Variants in SMOC1 observed in about 807,000 individuals in gnomAD.
SMOC1 encodes SPARC-related modular calcium-binding protein 1.
SMOC1 carries 22 observed loss-of-function variants against 56.3 expected under a neutral mutation model. The ratio of observed to expected loss-of-function variants is 0.39; its 90% CI spans 0.28 to 0.56. SMOC1 has a LOEUF of 0.56. Among genes scored for constraint, SMOC1 ranks in the 20% least tolerant of loss-of-function variants. SMOC1 has a pLI of 0.61. For synonymous variants in SMOC1, 193 were observed against 215.0 expected (o/e 0.90, Z 0.89); for missense variants, 509 against 565.4 (o/e 0.90, Z 1.01).
chr14:70,025,032 T>C (rs1184921422), intron 11 of SMOC1, among the ~76,000 whole-genome samples: 1 of 151,708 alleles, frequency 6.6e-6, no homozygotes, highest in Non-Finnish European at 1.5e-5. Context: ...CAAAGGTAGG[T>C]TTGTTCAGCT....
intron 7 of SMOC1, among the ~76,000 whole-genome samples, chr14:69,998,009 A>G (rs992689035): frequency 6.6e-6 from 1 of 152,116 alleles, no homozygotes; most frequent in Non-Finnish European, 1.5e-5. Context: ...CTGTGACGCC[A>G]GGTTTGTTTT....
At chr14:69,952,527 G>A (rs1566686267) in intron 2 of SMOC1, among the ~76,000 whole-genome samples, 1 of 152,222 alleles carries the variant, frequency 6.6e-6, no homozygotes, top group Non-Finnish European at 1.5e-5. Flanking sequence ...GGCTTAAAGA[G>A]ATGTGCTGCT....
chr14:70,022,223 A>G (rs960226462), intron 10 of SMOC1, among the ~76,000 whole-genome samples: 8 of 152,246 alleles, frequency 5.3e-5, no homozygotes, highest in Non-Finnish European at 1.2e-4. Context: ...AAAAATTGTA[A>G]ATAGTAGTTA....
At chr14:69,900,584 T>C (rs1884218420) in intron 1 of SMOC1, among the ~76,000 whole-genome samples, 1 of 152,188 alleles carries the variant, frequency 6.6e-6, no homozygotes, top group African/African-American at 2.4e-5. Context: ...TCATCCCATT[T>C]TACAGAGGAG....
At chr14:69,882,825 C>T (rs1883681206) in intron 1 of SMOC1, among the ~76,000 whole-genome samples, 1 of 152,194 alleles carries the variant, frequency 6.6e-6, no homozygotes, top group Non-Finnish European at 1.5e-5. Flanking sequence ...AGGGGCCAGA[C>T]ACCTGTCAAG....
intron 5 of SMOC1, among the ~76,000 whole-genome samples, chr14:69,978,935 A>G (rs1048296849): frequency 2.0e-5 from 3 of 151,842 alleles, no homozygotes; most frequent in Middle Eastern, 3.2e-3. Context: ...ATTCACTGCC[A>G]CTGACCTCCA....
At position 70,023,195 on chromosome 14, in the gene SMOC1, T is replaced by A; in HGVS notation, c.1047-8T>A. ...TCTCTGCGGTGGGGGTGTTTGTCCA[T>A]GGCCCAGGTTCTCAGAGCCAGACCC... is the stretch of plus-strand genomic sequence containing the variant. On this transcript the variant is annotated splice_region_variant and splice_polypyrimidine_tract_variant and intron_variant, in intron 10 of 11. Transcript: ENST00000361956. 6.2e-7 allele frequency: 1 copy of A among 1,614,058 alleles called. No individual in the cohort carries two copies. Among genetic ancestry groups the A allele is most frequent in the Admixed American group, 1.7e-5 (1 of 60,018 alleles).
At chr14:70,000,090 G>A (rs1483597246) in intron 7 of SMOC1, among the ~76,000 whole-genome samples, 2 of 152,266 alleles carry the variant, frequency 1.3e-5, no homozygotes, top group African/African-American at 2.4e-5. Context: ...CAATTTTCTG[G>A]AAGTCAACTA....
intron 7 of SMOC1, among the ~76,000 whole-genome samples, chr14:70,000,087 C>T (rs1257804761): frequency 6.6e-6 from 1 of 152,164 alleles, no homozygotes; most frequent in Non-Finnish European, 1.5e-5. Flanking sequence ...TTCCAATTTT[C>T]TGGAAGTCAA....
intron 3 of SMOC1, among the ~76,000 whole-genome samples, chr14:69,970,880 T>C (rs962373822): frequency 6.6e-6 from 1 of 152,182 alleles, no homozygotes; most frequent in African/African-American, 2.4e-5. Flanking sequence ...TGTCTTTATC[T>C]GGATGGGGGT....
chr14:69,918,024 A>G (rs1884732257), intron 1 of SMOC1, among the ~76,000 whole-genome samples: 1 of 152,214 alleles, frequency 6.6e-6, no homozygotes, highest in African/African-American at 2.4e-5. Context: ...ATTAACAAAA[A>G]TGTATATATG....
intron 6 of SMOC1, among the ~76,000 whole-genome samples, chr14:69,993,920 A>G (rs139309665): frequency 1.4e-4 from 22 of 152,308 alleles, no homozygotes; most frequent in African/African-American, 5.1e-4. Context: ...TCTGCGCATG[A>G]GAAGCCATTA....
In SMOC1 at chr14:70,019,767, C is replaced by T. The variant is rs548379356; in HGVS notation, c.1047-3436C>T. On this transcript the variant is annotated intron_variant, in intron 10 of 11. Transcript: ENST00000361956. ...CTCCCTGCTCCATGCCTATCCAGCA[C>T]TCCCCCAGGAAAAATCTCAGATTTT... Among the ~76,000 whole-genome samples the T allele has an allele frequency of 2.6e-5, 4 of 152,298 alleles. No homozygotes were observed. The South Asian group carries it at 8.3e-4, about 32-fold the overall frequency.
intron 7 of SMOC1, among the ~76,000 whole-genome samples, chr14:70,005,706 G>A (rs544370468): frequency 1.2e-4 from 18 of 152,246 alleles, no homozygotes; most frequent in Admixed American, 5.2e-4. Flanking sequence ...TGCCAAGTGC[G>A]GAATGACCTG....
chr14:70,025,047 G>T (rs566575976), intron 11 of SMOC1, among the ~76,000 whole-genome samples: 3 of 152,270 alleles, frequency 2.0e-5, no homozygotes, highest in East Asian at 1.9e-4. Flanking sequence ...TCAGCTGGAG[G>T]CATGGCTGCT....
At chr14:69,908,605 G>C (rs1884474446) in intron 1 of SMOC1, among the ~76,000 whole-genome samples, 1 of 152,200 alleles carries the variant, frequency 6.6e-6, no homozygotes, top group Non-Finnish European at 1.5e-5. Flanking sequence ...GCCAGGTCTG[G>C]GAGGGCCTGG....
chr14:69,952,269 G>T lies in SMOC1; in HGVS notation c.231G>T (p.Pro77=). The change falls in exon 2 of 12, where the codon CCG becomes CCT. Residue 77 remains proline, a synonymous_variant. Coordinates refer to ENST00000361956, the MANE Select transcript of SMOC1 (RefSeq NM_001034852.3). ...ACCAGCGAGCCAAGTGCCGAGACCC[G>T]ACCCTGGGCGTGGTGCATCGAGGTA... ...CEYQRAKCRD[P]TLGVVHRGRC... 2 of 1,614,150 alleles carry T rather than the reference G, an allele frequency of 1.2e-6. No homozygotes were observed. The highest frequency in any genetic ancestry group is 1.3e-5 in the African/African-American group (1 of 75,030).
At chr14:70,012,800 T>C (rs894927877) in intron 9 of SMOC1, among the ~76,000 whole-genome samples, 2 of 152,096 alleles carry the variant, frequency 1.3e-5, no homozygotes, top group Non-Finnish European at 2.9e-5. Flanking sequence ...CCTGGAATAA[T>C]ACAAGGAGGA....
rs1486925283 is a variant in SMOC1 at position 69,885,352 on chromosome 14, A to G, written c.99+5575A>G. ...CAACAGTGTACATTTAACCCAGTTT[A>G]GTGGCAAGTTCTTTAGCCTTTGCCT... On this transcript the variant is annotated intron_variant, in intron 1 of 11. Transcript: ENST00000361956. The G allele has an allele frequency of 3.8e-6, 6 of 1,588,224 alleles. No individual in the cohort carries two copies. The East Asian group carries it at 1.1e-4, about 30-fold the overall frequency.
Sources: allele counts gnomAD v4.1 joint callset (sites outside exome capture counted in the v4.1 genomes callset), GRCh38; gene constraint gnomAD v4.1.1; transcripts MANE v1.5; gene names NCBI Gene and HGNC (gene_info 2026-07-23, HGNC 2026-07-21).